Variants in UBE2B observed in about 807,000 individuals in gnomAD.
The protein encoded by UBE2B is ubiquitin conjugating enzyme E2 B.
UBE2B carries 11 observed loss-of-function variants against 24.6 expected under a neutral mutation model. The observed-to-expected ratio is 0.45, with a 90% confidence interval of 0.28 to 0.74. The LOEUF is 0.74. Ranked by LOEUF, UBE2B falls within the 30% of genes least tolerant of loss-of-function variation. UBE2B has a pLI of 0.13. For missense variants in UBE2B, 78 were observed against 185.6 expected, an observed-to-expected ratio of 0.42 and a Z score of 3.37; for synonymous variants, 68 against 62.4, an observed-to-expected ratio of 1.09 and a Z score of -0.42.
At chr5:134,375,698 C>T (rs1475449149) in intron 2 of UBE2B, among the ~76,000 whole-genome samples, 2 of 146,554 alleles carry the variant, frequency 1.4e-5, no homozygotes, top group African/African-American at 5.1e-5. Flanking sequence ...ACTCGGGAGG[C>T]TGAGGCAGGA....
At chr5:134,373,693 T>C (rs567733514) in intron 1 of UBE2B, among the ~76,000 whole-genome samples, 1 of 152,266 alleles carries the variant, frequency 6.6e-6, no homozygotes, top group East Asian at 1.9e-4. Flanking sequence ...GTCCAAGTGT[T>C]CTCATTGTTC....
intron 4 of UBE2B, among the ~76,000 whole-genome samples, chr5:134,386,563 C>T (rs1156917553): frequency 1.3e-5 from 2 of 150,932 alleles, no homozygotes; most frequent in East Asian, 3.9e-4. Context: ...ACCTGGGAGG[C>T]GGAGCTTGCA....
intron 4 of UBE2B, among the ~76,000 whole-genome samples, chr5:134,383,731 A>G (rs1434164989): frequency 6.6e-6 from 1 of 152,022 alleles, no homozygotes; most frequent in Non-Finnish European, 1.5e-5. Flanking sequence ...AAATGTTGGG[A>G]TTACAGGTGT....
At chr5:134,373,669 G>A (rs1196148786) in intron 1 of UBE2B, among the ~76,000 whole-genome samples, 3 of 152,064 alleles carry the variant, frequency 2.0e-5, no homozygotes, top group Non-Finnish European at 4.4e-5. Flanking sequence ...TGTGTGTGAT[G>A]TTCCCTTTCC....
chr5:134,385,863 A>C (rs1280178504), intron 4 of UBE2B, among the ~76,000 whole-genome samples: 2 of 151,498 alleles, frequency 1.3e-5, no homozygotes, highest in South Asian at 2.1e-4. Context: ...AATATAAAAA[A>C]TTATCCAAGC....
chr5:134,379,351 A>C (rs1758665436), intron 3 of UBE2B, among the ~76,000 whole-genome samples: 1 of 152,188 alleles, frequency 6.6e-6, no homozygotes, highest in African/African-American at 2.4e-5. Flanking sequence ...AGCTATTCAA[A>C]TACTACTTTT....
chr5:134,371,773 GTC>G, intron 1 of UBE2B, 134 bp downstream of exon 1: 1 of 1,380,410 alleles, frequency 7.2e-7, no homozygotes, highest in Non-Finnish European at 1.0e-6. Flanking sequence ...CGGAAGCCGG[GTC>G]CTAGCCTCGG....
chr5:134,387,404 G>C (rs1037824571), intron 4 of UBE2B, among the ~76,000 whole-genome samples: 9 of 152,228 alleles, frequency 5.9e-5, no homozygotes, highest in African/African-American at 2.2e-4. Context: ...TTAGAAATAC[G>C]GAATTTAAAT....
rs35847901 is a variant in UBE2B, at chr5:134,388,946, G to GTTTTTT, written c.330+551_330+556dup. 66 of 174,492 alleles carry GTTTTTT rather than the reference G, an allele frequency of 3.8e-4. 1 individual carries two copies. The highest frequency in any genetic ancestry group is 2.6e-3 in the African/African-American group (46 of 17,974). The allele number at this position is 174,492 out of a possible 1,614,324, so 10.8% of individuals were successfully genotyped here. On this transcript the variant is annotated intron_variant, in intron 5 of 5. Coordinates refer to ENST00000265339, the MANE Select transcript of UBE2B (RefSeq NM_003337.4). ...TTTTTTCTCTCACACTTCTTTAATT[G>GTTTTTT]TTTTTTTTTTTTTTTTTTTTTTTGA...
chr5:134,389,793 C>T lies in UBE2B; in HGVS notation c.331-432C>T, dbSNP rs137944422. On this transcript the variant is annotated intron_variant, in intron 5 of 5. Transcript: ENST00000265339. ...AACTCCCTACCTCAGGTGATCTGCC[C>T]GCCTCGGCCTCCCACAGTGCTGGGA... The T allele has an allele frequency of 2.0e-3, 395 of 197,926 alleles. 1 individual carries two copies. The highest frequency in any genetic ancestry group is 2.6e-3 in the Non-Finnish European group (243 of 94,904). The allele number at this position is 197,926 out of a possible 1,614,324, so 12.3% of individuals were successfully genotyped here.
At chr5:134,385,138 T>C (rs1758776526) in intron 4 of UBE2B, among the ~76,000 whole-genome samples, 1 of 152,244 alleles carries the variant, frequency 6.6e-6, no homozygotes, top group African/African-American at 2.4e-5. Context: ...TTCTCAGAAA[T>C]AGTTACTCAG....
At chr5:134,376,124 A>G (rs956558206) in intron 2 of UBE2B, among the ~76,000 whole-genome samples, 13 of 150,786 alleles carry the variant, frequency 8.6e-5, no homozygotes, top group African/African-American at 3.2e-4. Context: ...ACCTGAGGTC[A>G]GGAGTTCGAA....
chr5:134,380,316 C>T (rs1758688012), intron 3 of UBE2B, among the ~76,000 whole-genome samples: 1 of 152,232 alleles, frequency 6.6e-6, no homozygotes, highest in Non-Finnish European at 1.5e-5. Flanking sequence ...GATCTGGGCT[C>T]ACTGCAACCT....
intron 2 of UBE2B, among the ~76,000 whole-genome samples, chr5:134,376,338 A>ATATATATATATATATATAT (rs1276778610): frequency 3.4e-3 from 15 of 4,368 alleles, no homozygotes; most frequent in East Asian, 4.7e-3. Flanking sequence ...AAAAAAAAAA[A>ATATATATATATATATATAT]AAAAAAAAAA....
chr5:134,383,255 T>C (rs1000704474), intron 4 of UBE2B, among the ~76,000 whole-genome samples: 5 of 152,228 alleles, frequency 3.3e-5, no homozygotes, highest in Admixed American at 2.0e-4. Flanking sequence ...CAATTGTTGA[T>C]AGTTTTCAGT....
At chr5:134,379,143 T>C (rs1758658696) in intron 3 of UBE2B, among the ~76,000 whole-genome samples, 1 of 152,138 alleles carries the variant, frequency 6.6e-6, no homozygotes, top group South Asian at 2.1e-4. Flanking sequence ...TCACCCAATA[T>C]TTTGCAGATG....
At chr5:134,376,505 T>A (rs1430200384) in intron 2 of UBE2B, among the ~76,000 whole-genome samples, 164 bp from the exon 3 acceptor site, 4 of 150,908 alleles carry the variant, frequency 2.7e-5, no homozygotes, top group Admixed American at 2.0e-4. Context: ...TGCCTGGGTC[T>A]ATGAAAATCC....
At chr5:134,376,342 A>ATATATACATATATATATATAT (rs1376745044) in intron 2 of UBE2B, among the ~76,000 whole-genome samples, 1 of 6,680 alleles carries the variant, frequency 1.5e-4, no homozygotes, top group East Asian at 3.7e-3. Flanking sequence ...AAAAAAAAAA[A>ATATATACATATATATATATAT]AAAAAAATAT....
chr5:134,379,646 CAAAAAAA>C, intron 3 of UBE2B, among the ~76,000 whole-genome samples: 1 of 75,242 alleles, frequency 1.3e-5, no homozygotes, highest in South Asian at 4.4e-4. Flanking sequence ...TCTGTCTCAA[CAAAAAAA>C]AAAAAAAAAA....
Sources: gnomAD v4.1 joint callset for allele counts (sites outside exome capture counted in the v4.1 genomes callset) on GRCh38, gnomAD v4.1.1 for gene constraint, MANE v1.5 for transcripts, NCBI Gene and HGNC (gene_info 2026-07-23, HGNC 2026-07-21) for gene names.